Variants in THAP7 observed in about 807,000 individuals in gnomAD.
The protein encoded by THAP7 is THAP domain containing 7, also known as THAP domain-containing protein 7.
In THAP7, 22 loss-of-function variants were observed where a neutral mutation model predicts 29.2. That is an observed-to-expected ratio of 0.75 (90% confidence interval 0.54 to 1.08). THAP7 has a LOEUF of 1.08. Ranked by LOEUF, THAP7 falls within the 50% of genes least tolerant of loss-of-function variation. The probability of loss-of-function intolerance (pLI) is 0.00; values close to 1 mark genes in which losing one functional copy is unlikely to be tolerated. For synonymous variants in THAP7, 208 were observed against 173.4 expected, an observed-to-expected ratio of 1.20 and a Z score of -1.57; for missense variants, 448 against 416.2, an observed-to-expected ratio of 1.08 and a Z score of -0.66.
Position 21,000,726 on chromosome 22 carries a change from G to A in THAP7, c.298C>T (p.Arg100Cys), listed in dbSNP as rs1445240365. 7.4e-6 allele frequency: 12 copies of A among 1,614,044 alleles called. No homozygotes were observed. Among genetic ancestry groups the A allele is most frequent in the East Asian group, 2.2e-5 (1 of 44,892 alleles). The change falls in exon 3 of 4, where the codon CGC becomes TGC. Residue 100 changes from arginine (R) to cysteine (C), a missense_variant. Arg to Cys is a radical substitution (Grantham distance 180). Coordinates refer to ENST00000215742, the MANE Select transcript of THAP7 (RefSeq NM_030573.3). ...TGTCCTTTGGTCTTGGTTGTCCGGC[G>A]CAACTTGGAGAAAGACTCAAATATG... ...PTIFESFSKLRRTTKTKGHSY... is the reference protein window; with the variant it reads ...PTIFESFSKLCRTTKTKGHSY...
chr22:20,999,922 A>G lies in THAP7; in HGVS notation c.888T>C (p.His296=), dbSNP rs768119306. 3.6e-5 allele frequency: 58 copies of G among 1,611,414 alleles called. No homozygotes were observed. In the South Asian group the frequency reaches 5.7e-4, roughly 16 times the overall value. ...TCAGCTGCATGGCAAAGTCCTGCAC[A>G]TGCTCCTTCAGAGTCTGGCGGGCAT... The part of the protein sequence containing the change: ...QADARQTLKE[H]VQDFAMQLSS... Residue 296 remains histidine, a synonymous_variant, in exon 4 of 4, where the codon CAT becomes CAC. Transcript: ENST00000215742.
At chr22:21,000,848 G>A in intron 2 of THAP7, 61 bp from the exon 3 acceptor site, 2 of 1,604,638 alleles carry the variant, frequency 1.2e-6, no homozygotes, top group East Asian at 2.2e-5. Flanking sequence ...AGGCCAATCT[G>A]CCCCCAGCAG....
chr22:21,001,875 G>T lies in THAP7; in HGVS notation c.37C>A (p.Arg13=), dbSNP rs2147976954. 6.4e-7 allele frequency: 1 copy of T among 1,572,410 alleles called. No homozygotes were observed. Among genetic ancestry groups the T allele is most frequent in the Non-Finnish European group, 8.6e-7 (1 of 1,160,520 alleles). ...RHCSAAGCCT[R]DTRETRNRGI... ...CGGTTGCGCGTCTCGCGCGTGTCCCGTGTGCAGCAGCCGGCGGCGGAGCAG... is the reference window on the plus strand; with the variant it reads ...CGGTTGCGCGTCTCGCGCGTGTCCCTTGTGCAGCAGCCGGCGGCGGAGCAG... Residue 13 remains arginine, a synonymous_variant, in exon 1 of 4, where the codon CGG becomes AGG. Transcript: ENST00000215742.
chr22:21,000,325 G>A lies in THAP7; in HGVS notation c.485C>T (p.Ser162Phe). 6.4e-7 allele frequency: 1 copy of A among 1,555,800 alleles called. No homozygotes were observed. Among genetic ancestry groups the A allele is most frequent in the Non-Finnish European group, 8.7e-7 (1 of 1,149,630 alleles). The change falls in exon 4 of 4, where the codon TCC (serine) becomes TTC (phenylalanine). Residue 162 changes from serine to phenylalanine, a missense_variant. Ser to Phe is a radical substitution (Grantham distance 155). Coordinates refer to ENST00000215742, the MANE Select transcript of THAP7 (RefSeq NM_030573.3). ...GCCAGGCTCCAGCCTCCCAGCTGGG[G>A]AGGCCGGCAAAGTGGCAGGTGCTGA... ...EASAPATLPA[S>F]PAGRLEPGLS...
chr22:20,999,811 C>G lies in THAP7; in HGVS notation c.*69G>C. 5 of 1,517,146 alleles carry G rather than the reference C, an allele frequency of 3.3e-6. No individual in the cohort carries two copies. Among genetic ancestry groups the G allele is most frequent in the Non-Finnish European group, 3.5e-6 (4 of 1,135,084 alleles). 94.0% of individuals were successfully genotyped at this position (1,517,146 alleles called of 1,614,324 possible). A position where few individuals can be genotyped will look rare whatever the true frequency, so the allele number is the denominator to read the frequency against. ...CGCTTTATTATGGCACCTGGTGGGT[C>G]TGGTGGGATCTGAGGGAGGAAGAGG... On this transcript the variant is annotated 3_prime_UTR_variant, in exon 4 of 4. Coordinates refer to ENST00000215742, the MANE Select transcript of THAP7 (RefSeq NM_030573.3).
At chr22:21,001,177 G>C in intron 2 of THAP7, 79 bp downstream of exon 2, 1 of 1,570,570 alleles carries the variant, frequency 6.4e-7, no homozygotes, top group South Asian at 1.2e-5. Flanking sequence ...CTGCTCAAGG[G>C]ACTTCCATGA....
Position 21,000,790 on chromosome 22 carries a change from G to A in THAP7, c.237-3C>T. ...CCTCCTTTAGCCTGTGATATCCACTGCGGGGAAAAGCAACCCAGATGAGCT... is the reference window on the plus strand; with the variant it reads ...CCTCCTTTAGCCTGTGATATCCACTACGGGGAAAAGCAACCCAGATGAGCT... On this transcript the variant is annotated splice_polypyrimidine_tract_variant and splice_region_variant and intron_variant, in intron 2 of 3. Transcript: ENST00000215742. The A allele has an allele frequency of 2.5e-6, 4 of 1,614,114 alleles. No homozygotes were observed. The highest frequency in any genetic ancestry group is 2.7e-5 in the African/African-American group (2 of 75,046).
Position 21,000,306 on chromosome 22 carries a change from C to A in THAP7, c.504G>T (p.Glu168Asp), listed in dbSNP as rs199833891. 1,032 of 1,555,472 alleles carry A rather than the reference C, an allele frequency of 6.6e-4. 6 individuals carry two copies. In the African/African-American group the frequency reaches 0.013, roughly 19 times the overall value. Residue 168 changes from glutamate (E) to aspartate (D), a missense_variant, in exon 4 of 4, where the codon GAG becomes GAT. Physicochemically the swap from Glu to Asp is conservative, Grantham distance 45. Transcript: ENST00000215742. The part of the protein sequence containing the change: ...TLPASPAGRL[E>D]PGLSSPFSDL... ...CTGAAAAGGGGCTGCTAAGGCCAGG[C>A]TCCAGCCTCCCAGCTGGGGAGGCCG...
chr22:21,002,023 C>G lies in THAP7; in HGVS notation c.-112G>C, dbSNP rs1013501036. On this transcript the variant is annotated 5_prime_UTR_variant, in exon 1 of 4. Coordinates refer to ENST00000215742, the MANE Select transcript of THAP7 (RefSeq NM_030573.3). The stretch of plus-strand genomic sequence containing the variant: ...GGGCTCTGGCCTGTCGGGTCCCCCC[C>G]GGCCCGTTGTCGCCCCAACCCCGTC... The G allele has an allele frequency of 7.4e-6, 8 of 1,082,616 alleles. No homozygotes were observed. The highest frequency in any genetic ancestry group is 1.7e-5 in the African/African-American group (1 of 60,308). The allele number at this position is 1,082,616 out of a possible 1,614,324, so 67.1% of individuals were successfully genotyped here.
rs115416375 is a variant in THAP7, at chr22:21,000,198, G to A, written c.612C>T (p.Leu204=). 3 of 1,559,440 alleles carry A rather than the reference G, an allele frequency of 1.9e-6. No homozygotes were observed. The highest frequency in any genetic ancestry group is 1.2e-5 in the South Asian group (1 of 85,446). ...CTGAGGGGGAGACTGGCCGTGGTTC[G>A]AGAGGGGAGGGCTGCCGCTCTGGTG... ...QPSPERQPSP[L]EPRPVSPSAY... Residue 204 remains leucine, a synonymous_variant, in exon 4 of 4, where the codon CTC becomes CTT. Coordinates refer to ENST00000215742, the MANE Select transcript of THAP7 (RefSeq NM_030573.3).
rs752239511 is a variant in THAP7, at chr22:21,000,755, G to C, written c.269C>G (p.Pro90Arg). 3 of 1,614,082 alleles carry C rather than the reference G, an allele frequency of 1.9e-6. No individual in the cohort carries two copies. Residue 90 changes from proline (P) to arginine (R), a missense_variant, in exon 3 of 4, where the codon CCC (proline) becomes CGC (arginine). By Grantham distance (103) the Pro-to-Arg change is moderately radical. Transcript: ENST00000215742. ...GYHRLKEGAVPTIFESFSKLR... is the reference protein window; with the variant it reads ...GYHRLKEGAVRTIFESFSKLR... ...CTTGGAGAAAGACTCAAATATGGTG[G>C]GGACTGCCCCCTCCTTTAGCCTGTG...
chr22:21,001,527 G>A (rs750421242), intron 1 of THAP7, 116 bp from the exon 2 acceptor site: 15 of 1,457,964 alleles, frequency 1.0e-5, no homozygotes, highest in Non-Finnish European at 1.4e-5. Context: ...ACCTCCCTGC[G>A]ACCCCGCCGG....
intron 2 of THAP7, 186 bp from the exon 3 acceptor site, chr22:21,000,973 G>C: frequency 1.0e-6 from 1 of 965,600 alleles, no homozygotes; most frequent in Non-Finnish European, 1.5e-6. Flanking sequence ...TGTGTGGAAA[G>C]CCTGCATAAG....
rs426938 is a variant in THAP7, at chr22:21,000,681, C to A, written c.343G>T (p.Ala115Ser). ...TKGHSYPPGPAEVSRLRRCRK... is the reference protein window; with the variant it reads ...TKGHSYPPGPSEVSRLRRCRK... ...CATCGTCTGAGCCGGCTGACTTCAG[C>A]GGGGCCAGGTGGGTAACTGTGTCCT... The change falls in exon 3 of 4, where the codon GCT becomes TCT. Residue 115 changes from alanine (A) to serine (S), a missense_variant. Ala to Ser is a moderately conservative substitution (Grantham distance 99). Coordinates refer to ENST00000215742, the MANE Select transcript of THAP7 (RefSeq NM_030573.3). 0.029 allele frequency: 46,380 copies of A among 1,614,050 alleles called. 828 individuals are homozygous for A. The highest frequency in any genetic ancestry group is 0.034 in the Non-Finnish European group (40,330 of 1,179,992).
chr22:21,001,771 G>A (rs1187237892), intron 1 of THAP7, 61 bp downstream of exon 1: 12 of 1,500,662 alleles, frequency 8.0e-6, no homozygotes, highest in African/African-American at 5.6e-5. Context: ...ACGCAGTTGC[G>A]ACCCGAGGCG....
At chr22:21,001,057 T>C (rs1450092555) in intron 2 of THAP7, 199 bp downstream of exon 2, 3 of 885,734 alleles carry the variant, frequency 3.4e-6, no homozygotes, top group Admixed American at 2.9e-5. Flanking sequence ...CTCTGAAAGA[T>C]ACTCTCTGGA....
At position 21,000,017 on chromosome 22, in the gene THAP7, CCCG is replaced by C; in HGVS notation, c.790_792del (p.Arg264del). ...GTCAGTCTCAACCGCAGCCGCTGCT[CCCG>C]CCGCTTGCAGGCCTGCAGCTGGCGC... On this transcript the variant is annotated inframe_deletion, in exon 4 of 4. Transcript: ENST00000215742. 1 of 1,612,832 alleles carries C rather than the reference CCCG, an allele frequency of 6.2e-7. No homozygotes were observed. The highest frequency in any genetic ancestry group is 8.5e-7 in the Non-Finnish European group (1 of 1,179,934).
At chr22:21,001,781 G>T in intron 1 of THAP7, 51 bp downstream of exon 1, 1 of 1,521,376 alleles carries the variant, frequency 6.6e-7, no homozygotes, top group African/African-American at 1.4e-5. Flanking sequence ...GACCCGAGGC[G>T]AGCAACAACT....
At position 21,001,907 on chromosome 22, in the gene THAP7, G is replaced by A. The variant is rs1323536796; in HGVS notation, c.5C>T (p.Pro2Leu). 1 of 1,567,944 alleles carries A rather than the reference G, an allele frequency of 6.4e-7. No individual in the cohort carries two copies. Among genetic ancestry groups the A allele is most frequent in the Non-Finnish European group, 8.6e-7 (1 of 1,158,062 alleles). ...GCAGCCGGCGGCGGAGCAGTGACGC[G>A]GCATCTGGGAAAGAGGCGGGAGTTA... M[P>L]RHCSAAGCCT... is the part of the protein sequence containing the mutation. Residue 2 changes from proline (P) to leucine (L), a missense_variant, in exon 1 of 4, where the codon CCG becomes CTG. By Grantham distance (98) the Pro-to-Leu change is moderately conservative. Coordinates refer to ENST00000215742, the MANE Select transcript of THAP7 (RefSeq NM_030573.3).
Sources: gnomAD v4.1 joint callset for allele counts on GRCh38, gnomAD v4.1.1 for gene constraint, MANE v1.5 for transcripts, NCBI Gene and HGNC (gene_info 2026-07-23, HGNC 2026-07-21) for gene names.